Variants in RANBP2 observed in about 807,000 individuals in gnomAD.
RANBP2 encodes RAN binding protein 2.
A neutral mutation model predicts 303.6 loss-of-function variants in RANBP2; 57 were observed. The ratio of observed to expected loss-of-function variants is 0.19; its 90% CI spans 0.15 to 0.23. The LOEUF (loss-of-function observed/expected upper bound fraction) is 0.23. Ranked by LOEUF, RANBP2 falls within the 10% of genes least tolerant of loss-of-function variation. The probability of loss-of-function intolerance (pLI) is 1.00; values close to 1 mark genes in which losing one functional copy is unlikely to be tolerated. For synonymous variants in RANBP2, 1,167 were observed against 1,301.5 expected (o/e 0.90, Z 2.23); for missense variants, 3,138 against 3,780.8 (o/e 0.83, Z 4.46).
At chr2:109,330,880 G>A in the RANBP2 span, among the ~76,000 whole-genome samples, 4 of 152,166 alleles carry the variant, frequency 2.6e-5, no homozygotes, top group African/African-American at 9.7e-5. Context: ...CAATTCCTCT[G>A]GTAAGGGTCT....
At chr2:109,335,810 G>A in the RANBP2 span, among the ~76,000 whole-genome samples, 1,198 of 152,216 alleles carry the variant, frequency 7.9e-3, 14 homozygotes, top group African/African-American at 0.027. Flanking sequence ...CCTACCTTAC[G>A]CGGCTGTAGA....
chr2:109,429,648 G>T, the RANBP2 span, among the ~76,000 whole-genome samples: 4 of 152,034 alleles, frequency 2.6e-5, no homozygotes, highest in Non-Finnish European at 5.9e-5. Context: ...CCCCAGCTGT[G>T]CCCCAGGCCG....
the RANBP2 span, among the ~76,000 whole-genome samples, chr2:109,625,919 G>A: frequency 6.6e-6 from 1 of 152,152 alleles, no homozygotes; most frequent in East Asian, 1.9e-4. Context: ...GAAGGGGAGT[G>A]AAGTGGAGAA....
chr2:108,811,448 G>A, the RANBP2 span, among the ~76,000 whole-genome samples: 1 of 151,720 alleles, frequency 6.6e-6, no homozygotes, highest in Admixed American at 6.6e-5. Flanking sequence ...GTCTTATTGT[G>A]TTGCTGAGGC....
chr2:109,388,751 A>C, the RANBP2 span, among the ~76,000 whole-genome samples: 3 of 152,156 alleles, frequency 2.0e-5, no homozygotes, highest in Non-Finnish European at 4.4e-5. Context: ...TAATCCTCAG[A>C]CCTCCAAGGA....
the RANBP2 span, among the ~76,000 whole-genome samples, chr2:109,505,584 C>T: frequency 6.6e-6 from 1 of 152,210 alleles, no homozygotes; most frequent in Non-Finnish European, 1.5e-5. Flanking sequence ...GAGGTAGCTG[C>T]AGGCCTGGCA....
the RANBP2 span, among the ~76,000 whole-genome samples, chr2:109,435,918 C>T: frequency 6.6e-6 from 1 of 152,170 alleles, no homozygotes. Flanking sequence ...AGGAGGACAC[C>T]ACCCAGGGTC....
At chr2:108,945,055 G>A in the RANBP2 span, among the ~76,000 whole-genome samples, 5 of 152,168 alleles carry the variant, frequency 3.3e-5, no homozygotes, top group African/African-American at 1.2e-4. Flanking sequence ...GCATTGTACA[G>A]TCTGGTGCTT....
At chr2:109,652,308 C>T in the RANBP2 span, among the ~76,000 whole-genome samples, 6 of 151,914 alleles carry the variant, frequency 3.9e-5, no homozygotes, top group African/African-American at 4.8e-5. Flanking sequence ...CTGCAAGCTC[C>T]GCCTCCCAGG....
At chr2:109,726,340 G>A in the RANBP2 span, among the ~76,000 whole-genome samples, 2 of 151,958 alleles carry the variant, frequency 1.3e-5, no homozygotes, top group Non-Finnish European at 2.9e-5. Context: ...AACTCTGGAG[G>A]CGGAGGTTGC....
chr2:109,288,620 A>T, the RANBP2 span, among the ~76,000 whole-genome samples: 1 of 152,208 alleles, frequency 6.6e-6, no homozygotes, highest in Admixed American at 6.5e-5. Context: ...GGATTTTTGC[A>T]AGGCAAGTCA....
At chr2:109,129,920 C>G in the RANBP2 span, 12 of 1,499,452 alleles carry the variant, frequency 8.0e-6, no homozygotes, top group African/African-American at 8.7e-5. Context: ...CGGCCCCGCG[C>G]GGGCACCAGC....
the RANBP2 span, among the ~76,000 whole-genome samples, chr2:108,792,940 T>A: frequency 2.0e-5 from 3 of 150,890 alleles, no homozygotes; most frequent in South Asian, 6.3e-4. Context: ...AGCACGTGCC[T>A]GTAGTCCCAG....
the RANBP2 span, among the ~76,000 whole-genome samples, chr2:109,416,848 T>A: frequency 6.8e-6 from 1 of 146,032 alleles, no homozygotes; most frequent in African/African-American, 2.6e-5. Context: ...GAGGTTGCAG[T>A]GAGCTGAGAT....
the RANBP2 span, among the ~76,000 whole-genome samples, chr2:109,717,271 CCAA>C: frequency 2.5e-5 from 2 of 80,830 alleles, no homozygotes; most frequent in Non-Finnish European, 5.7e-5. Flanking sequence ...TAAAAACAAA[CCAA>C]AAAAAAAAAA....
chr2:109,380,205 G>A, the RANBP2 span, among the ~76,000 whole-genome samples: 17 of 152,198 alleles, frequency 1.1e-4, no homozygotes, highest in Middle Eastern at 3.4e-3. Flanking sequence ...GTACCGGCTC[G>A]CCCTGATTTC....
chr2:109,332,437 T>C, the RANBP2 span, among the ~76,000 whole-genome samples: 1 of 152,182 alleles, frequency 6.6e-6, no homozygotes, highest in Non-Finnish European at 1.5e-5. Flanking sequence ...CAGGTCTTCC[T>C]GGACGGGCTT....
chr2:109,569,879 C>T, the RANBP2 span, among the ~76,000 whole-genome samples: 2 of 152,010 alleles, frequency 1.3e-5, no homozygotes, highest in African/African-American at 4.8e-5. Context: ...GTCAAGCAGT[C>T]GAATGTTCTG....
the RANBP2 span, among the ~76,000 whole-genome samples, chr2:108,876,797 A>G: frequency 6.6e-6 from 1 of 152,274 alleles, no homozygotes; most frequent in Admixed American, 6.5e-5. Context: ...TTTTGTTTTC[A>G]AAATAATTAT....
Sources: allele counts gnomAD v4.1 joint callset (sites outside exome capture counted in the v4.1 genomes callset), GRCh38; gene constraint gnomAD v4.1.1; transcripts MANE v1.5; gene names NCBI Gene and HGNC (gene_info 2026-07-23, HGNC 2026-07-21).